Variants in RASGRF2 observed in about 807,000 individuals in gnomAD.
RASGRF2 encodes ras-specific guanine nucleotide-releasing factor 2.
RASGRF2 carries 76 observed loss-of-function variants against 151.0 expected under a neutral mutation model. That is an observed-to-expected ratio of 0.50 (90% CI 0.42 to 0.61). The LOEUF (loss-of-function observed/expected upper bound fraction) is 0.61. Among genes scored for constraint, RASGRF2 ranks in the 20% least tolerant of loss-of-function variants. The pLI is 0.00. For missense variants in RASGRF2, 1,148 were observed against 1,564.6 expected (o/e 0.73, Z 4.49); for synonymous variants, 504 against 566.5 (o/e 0.89, Z 1.57).
intron 18 of RASGRF2, among the ~76,000 whole-genome samples, chr5:81,181,765 C>T (rs1754922009): frequency 6.6e-6 from 1 of 152,114 alleles, no homozygotes; most frequent in African/African-American, 2.4e-5. Flanking sequence ...GCCTCAGCTC[C>T]CCTCCTCCCT....
rs1411738792 is a variant in RASGRF2 at position 81,229,205 on chromosome 5, TTTAAAG to T, written c.*3437_*3442del. On this transcript the variant is annotated 3_prime_UTR_variant, in exon 27 of 27. Coordinates refer to ENST00000265080, the MANE Select transcript of RASGRF2 (RefSeq NM_006909.3). ...TCCCCTTGAAAAAAAATCTCTTCAC[TTTAAAG>T]TATAAAGGTTTTTAAAAATCCAATT... 3.3e-5 allele frequency: 5 copies of T among 152,286 alleles called. No homozygotes were observed. Among genetic ancestry groups the T allele is most frequent in the African/African-American group, 4.8e-5 (2 of 41,574 alleles). The allele number at this position is 152,286 out of a possible 1,614,324, so 9.4% of individuals were successfully genotyped here.
At chr5:81,025,818 CAA>C (rs1194880301) in intron 1 of RASGRF2, among the ~76,000 whole-genome samples, 2 of 152,138 alleles carry the variant, frequency 1.3e-5, no homozygotes, top group Non-Finnish European at 1.5e-5. Flanking sequence ...AAAGGATCTC[CAA>C]AGTCTTTTGC....
chr5:81,197,402 G>C (rs377663042), intron 18 of RASGRF2, among the ~76,000 whole-genome samples: 8 of 136,328 alleles, frequency 5.9e-5, no homozygotes, highest in African/African-American at 8.3e-5. Context: ...CTTGCAGTGA[G>C]CCGAGATTGC....
intron 1 of RASGRF2, among the ~76,000 whole-genome samples, chr5:80,983,529 A>T (rs1406840933): frequency 6.6e-6 from 1 of 152,250 alleles, no homozygotes; most frequent in Non-Finnish European, 1.5e-5. Context: ...CTAGGCAAAC[A>T]GTGCTATTTA....
intron 1 of RASGRF2, among the ~76,000 whole-genome samples, chr5:81,020,223 C>T (rs1444150590): frequency 6.6e-6 from 1 of 152,194 alleles, no homozygotes; most frequent in African/African-American, 2.4e-5. Context: ...TGCCAACCTA[C>T]AGTATCTGTT....
intron 2 of RASGRF2, among the ~76,000 whole-genome samples, chr5:81,064,824 T>C (rs917936618): frequency 2.0e-4 from 31 of 152,298 alleles, no homozygotes; most frequent in South Asian, 1.0e-3. Flanking sequence ...GGAAACATGA[T>C]GGGATAGTGA....
intron 17 of RASGRF2, among the ~76,000 whole-genome samples, chr5:81,131,518 C>G (rs771241636): frequency 1.3e-5 from 2 of 152,024 alleles, no homozygotes; most frequent in Non-Finnish European, 2.9e-5. Context: ...CCATGCCCAG[C>G]TAATTTTTGT....
intron 2 of RASGRF2, among the ~76,000 whole-genome samples, chr5:81,051,052 A>G (rs1750992974): frequency 6.6e-6 from 1 of 152,184 alleles, no homozygotes; most frequent in East Asian, 1.9e-4. Context: ...TGCTATCACT[A>G]ATATCTGTCT....
At chr5:81,215,346 C>T (rs1168202356) in intron 23 of RASGRF2, among the ~76,000 whole-genome samples, 1 of 149,646 alleles carries the variant, frequency 6.7e-6, no homozygotes, top group Non-Finnish European at 1.5e-5. Flanking sequence ...TCTCGGCTCA[C>T]TGCAACCTCC....
At position 81,070,670 on chromosome 5, in the gene RASGRF2, G is replaced by A. The variant is rs151179237; in HGVS notation, c.633+89G>A. ...GTCTTTGCCACCCTGTGCGTGAGCC[G>A]GGAGCAGCCTTGGTGTTTCTGGGCT... On this transcript the variant is annotated intron_variant, in intron 4 of 26. Coordinates refer to ENST00000265080, the MANE Select transcript of RASGRF2 (RefSeq NM_006909.3). 2.6e-3 allele frequency: 2,982 copies of A among 1,146,308 alleles called. 9 individuals carry two copies. The highest frequency in any genetic ancestry group is 4.9e-3 in the South Asian group (358 of 73,502). 71.0% of individuals were successfully genotyped at this position (1,146,308 alleles called of 1,614,324 possible). A position where few individuals can be genotyped will look rare whatever the true frequency, so the allele number is the denominator to read the frequency against.
chr5:81,074,686 TA>T (rs899138547), intron 5 of RASGRF2, among the ~76,000 whole-genome samples: 3 of 152,098 alleles, frequency 2.0e-5, no homozygotes, highest in African/African-American at 7.2e-5. Context: ...AGCATTCTAT[TA>T]AAAAAAATCA....
At chr5:81,087,344 C>T (rs1752267375) in intron 9 of RASGRF2, 1 of 702,882 alleles carries the variant, frequency 1.4e-6, no homozygotes, top group Admixed American at 2.0e-5. Context: ...TCACATAAGA[C>T]TGGGGACCAT....
intron 1 of RASGRF2, among the ~76,000 whole-genome samples, chr5:81,017,807 A>G (rs1749686319): frequency 6.6e-6 from 1 of 151,308 alleles, no homozygotes; most frequent in African/African-American, 2.5e-5. Context: ...AAGACTCTAG[A>G]CTTTTCTGGA....
rs919813130 is a variant in RASGRF2 at position 81,034,245 on chromosome 5, T to C, written c.289-8632T>C. ...AGAGAAATGCAAATCAAAACCACAA[T>C]GAGATATCATCTTACACCAGTTAGA... On this transcript the variant is annotated intron_variant, in intron 1 of 26. Coordinates refer to ENST00000265080, the MANE Select transcript of RASGRF2 (RefSeq NM_006909.3). Among the ~76,000 whole-genome samples the C allele has an allele frequency of 5.7e-4, 87 of 152,234 alleles. 1 individual carries two copies. The highest frequency in any genetic ancestry group is 2.0e-3 in the African/African-American group (82 of 41,536).
rs551846738 is a variant in RASGRF2 at position 81,185,033 on chromosome 5, C to T, written c.2793+4752C>T. Among the ~76,000 whole-genome samples the T allele has an allele frequency of 3.9e-5, 6 of 152,364 alleles. No homozygotes were observed. In the South Asian group the frequency reaches 1.2e-3, roughly 32 times the overall value. On this transcript the variant is annotated intron_variant, in intron 18 of 26. Transcript: ENST00000265080. ...AGGTAAAATAGGTAGCAGCAACAGC[C>T]TGCATGGCCTTAATGGAGTGGCTCG...
rs143428481 is a variant in RASGRF2 at position 81,113,821 on chromosome 5, G to A, written c.2371G>A (p.Gly791Ser). 1.2e-4 allele frequency: 189 copies of A among 1,614,204 alleles called. 1 individual carries two copies. The African/African-American group carries it at 2.1e-3, about 18-fold the overall frequency. The change falls in exon 15 of 27, where the codon GGC (glycine) becomes AGC (serine). Residue 791 changes from glycine to serine, a missense_variant. By Grantham distance (56) the Gly-to-Ser change is moderately conservative. Transcript: ENST00000265080. Reference sequence around the variant, plus strand: ...TCAGATACCACTGGATCTCAGCAGAGGCCTCTCTTCTCCAGAGCAAAGCCC... The same window carrying A: ...TCAGATACCACTGGATCTCAGCAGAAGCCTCTCTTCTCCAGAGCAAAGCCC... ...TGQIPLDLSR[G>S]LSSPEQSPGT...
chr5:81,034,860 G>A (rs1017923424), intron 1 of RASGRF2, among the ~76,000 whole-genome samples: 4 of 150,450 alleles, frequency 2.7e-5, no homozygotes, highest in African/African-American at 9.8e-5. Flanking sequence ...TGACAAGTTA[G>A]TGGGTGCAGT....
chr5:81,036,091 G>A (rs913094923), intron 1 of RASGRF2, among the ~76,000 whole-genome samples: 1 of 152,056 alleles, frequency 6.6e-6, no homozygotes, highest in Non-Finnish European at 1.5e-5. Flanking sequence ...ACCAACAAAT[G>A]TTATAAAGAA....
At chr5:81,019,218 T>G (rs1484424196) in intron 1 of RASGRF2, among the ~76,000 whole-genome samples, 2 of 152,160 alleles carry the variant, frequency 1.3e-5, no homozygotes, top group South Asian at 4.1e-4. Flanking sequence ...CTCAATAGCA[T>G]TATTCAAATT....
Sources: gnomAD v4.1 joint callset for allele counts (sites outside exome capture counted in the v4.1 genomes callset) on GRCh38, gnomAD v4.1.1 for gene constraint, MANE v1.5 for transcripts, NCBI Gene and HGNC (gene_info 2026-07-23, HGNC 2026-07-21) for gene names.